The following RALYL variants were observed in gnomAD, a reference collection of about 807,000 sequenced individuals.
The protein encoded by RALYL is RNA-binding Raly-like protein.
A neutral mutation model predicts 35.1 loss-of-function variants in RALYL; 29 were observed. The observed-to-expected ratio is 0.83, with a 90% confidence interval of 0.61 to 1.13. RALYL has a LOEUF of 1.13. Ranked by LOEUF, RALYL falls within the 50% of genes most tolerant of loss-of-function variation. The pLI, the probability that RALYL is intolerant of heterozygous loss-of-function variation, is 0.00. For missense variants in RALYL, 359 were observed against 360.4 expected (o/e 1.00, Z 0.03); for synonymous variants, 120 against 127.6 (o/e 0.94, Z 0.40).
At chr8:84,391,167 C>T (rs756557196) in intron 1 of RALYL, among the ~76,000 whole-genome samples, 10 of 151,924 alleles carry the variant, frequency 6.6e-5, no homozygotes, top group Non-Finnish European at 1.0e-4. Flanking sequence ...CATCTCATTG[C>T]GTGGACGACT....
intron 1 of RALYL, among the ~76,000 whole-genome samples, chr8:84,317,778 CTG>C (rs1440047833): frequency 2.0e-5 from 3 of 152,272 alleles, no homozygotes; most frequent in East Asian, 3.9e-4. Context: ...CATGATCAAT[CTG>C]TGCTTTTTTG....
chr8:84,576,959 A>G (rs570089555), intron 2 of RALYL, among the ~76,000 whole-genome samples: 1 of 152,348 alleles, frequency 6.6e-6, no homozygotes, highest in South Asian at 2.1e-4. Flanking sequence ...GTTAGTTTAC[A>G]GTGCCTATCT....
chr8:84,774,655 G>T lies in RALYL; in HGVS notation c.332+1G>T. 6.2e-7 allele frequency: 1 copy of T among 1,602,134 alleles called. No homozygotes were observed. The highest frequency in any genetic ancestry group is 1.1e-5 in the South Asian group (1 of 89,258). ...AGAGGCCCCTTTCTGCACTTTACAG[G>T]TAAGTAGATAAGCACTGTTTTACTC... On this transcript the variant is annotated splice_donor_variant, in intron 3 of 8. Coordinates refer to ENST00000521268, the MANE Select transcript of RALYL (RefSeq NM_173848.7). LOFTEE classifies it high-confidence loss of function.
intron 2 of RALYL, among the ~76,000 whole-genome samples, chr8:84,538,226 C>T (rs1258686629): frequency 6.6e-6 from 1 of 152,086 alleles, no homozygotes; most frequent in African/African-American, 2.4e-5. Flanking sequence ...AATCACTGAA[C>T]CTAAATTAGC....
Position 84,915,224 on chromosome 8 carries a change from C to T in RALYL, c.859-5670C>T, listed in dbSNP as rs866453248. ...GATCCTAAACACCCATTTCCATACTCTAATGATAGAGACTGCATAGTCTAT... is the reference window on the plus strand; with the variant it reads ...GATCCTAAACACCCATTTCCATACTTTAATGATAGAGACTGCATAGTCTAT... On this transcript the variant is annotated intron_variant, in intron 8 of 8. Transcript: ENST00000521268. Among the ~76,000 whole-genome samples the T allele has an allele frequency of 3.3e-5, 5 of 152,082 alleles. No individual in the cohort carries two copies. In the South Asian group the frequency reaches 1.0e-3, roughly 32 times the overall value.
rs530121951 is a variant in RALYL at position 84,844,410 on chromosome 8, C to A, written c.366-5570C>A. On this transcript the variant is annotated intron_variant, in intron 4 of 8. Coordinates refer to ENST00000521268, the MANE Select transcript of RALYL (RefSeq NM_173848.7). The stretch of plus-strand genomic sequence containing the variant: ...CCATCAGAGAAATGCAAATCAAAAC[C>A]ACAATGAGATACCATCTCACACCAG... Among the ~76,000 whole-genome samples, 834 of 152,222 alleles carry A rather than the reference C, an allele frequency of 5.5e-3. 12 individuals carry two copies. The highest frequency in any genetic ancestry group is 0.041 in the Middle Eastern group (12 of 294).
intron 1 of RALYL, among the ~76,000 whole-genome samples, chr8:84,371,575 A>G (rs1855729515): frequency 6.6e-6 from 1 of 151,512 alleles, no homozygotes; most frequent in Non-Finnish European, 1.5e-5. Context: ...ACACACACAG[A>G]AAGAGAGAGA....
chr8:84,663,785 A>G (rs1330049929), intron 2 of RALYL, among the ~76,000 whole-genome samples: 1 of 152,054 alleles, frequency 6.6e-6, no homozygotes, highest in Non-Finnish European at 1.5e-5. Context: ...CACTCTGATG[A>G]TAGTTTCCTT....
At chr8:84,241,605 A>G (rs1371998365) in intron 1 of RALYL, among the ~76,000 whole-genome samples, 2 of 151,840 alleles carry the variant, frequency 1.3e-5, no homozygotes, top group East Asian at 3.9e-4. Flanking sequence ...GTGAAACCCT[A>G]TCTCTATTAA....
intron 2 of RALYL, chr8:84,679,894 A>G (rs1835023078): frequency 5.8e-6 from 2 of 344,692 alleles, no homozygotes; most frequent in South Asian, 2.5e-5. Context: ...GTACATGTGC[A>G]CAACGTGCAG....
At chr8:84,726,578 C>T (rs1343504877) in intron 2 of RALYL, among the ~76,000 whole-genome samples, 1 of 151,494 alleles carries the variant, frequency 6.6e-6, no homozygotes, top group Non-Finnish European at 1.5e-5. Flanking sequence ...CTTAAATTCA[C>T]ATTTAAAAGA....
chr8:84,751,042 T>C (rs769572590), intron 2 of RALYL, among the ~76,000 whole-genome samples: 1 of 152,116 alleles, frequency 6.6e-6, no homozygotes, highest in Non-Finnish European at 1.5e-5. Flanking sequence ...CTTGAGAAAC[T>C]GTTAGTCCTT....
chr8:84,512,210 T>C (rs1156886584), intron 1 of RALYL, among the ~76,000 whole-genome samples: 1 of 152,044 alleles, frequency 6.6e-6, no homozygotes, highest in Non-Finnish European at 1.5e-5. Context: ...ATCTATTTTT[T>C]GTTGTTGTTA....
intron 4 of RALYL, among the ~76,000 whole-genome samples, chr8:84,839,365 T>G (rs1339154222): frequency 6.6e-6 from 1 of 152,194 alleles, no homozygotes; most frequent in African/African-American, 2.4e-5. Flanking sequence ...GGAGCCTCGC[T>G]CATTGCTAGC....
chr8:84,853,456 G>A (rs1563747552), intron 5 of RALYL, among the ~76,000 whole-genome samples: 1 of 152,158 alleles, frequency 6.6e-6, no homozygotes. Flanking sequence ...GCTTTAAATA[G>A]TCAAATTATT....
chr8:84,715,223 A>G (rs1211684752), intron 2 of RALYL, among the ~76,000 whole-genome samples: 2 of 151,918 alleles, frequency 1.3e-5, no homozygotes, highest in Non-Finnish European at 2.9e-5. Context: ...TGTTTACCAT[A>G]TGTCAGGCAC....
At chr8:84,528,940 C>T (rs1183112286) in intron 1 of RALYL, among the ~76,000 whole-genome samples, 2 of 152,048 alleles carry the variant, frequency 1.3e-5, no homozygotes, top group Non-Finnish European at 2.9e-5. Context: ...AGACCTTAGC[C>T]ATGTTGGATT....
intron 1 of RALYL, among the ~76,000 whole-genome samples, chr8:84,212,479 T>G (rs906612565): frequency 1.3e-5 from 2 of 152,178 alleles, no homozygotes; most frequent in African/African-American, 4.8e-5. Flanking sequence ...ATAAGTAACA[T>G]GAAATCACCA....
At chr8:84,679,843 A>AT (rs763519354) in intron 2 of RALYL, 88 of 378,314 alleles carry the variant, frequency 2.3e-4, no homozygotes, top group Non-Finnish European at 3.5e-4. Context: ...TCACATCTTT[A>AT]TTTTTTTTCT....
Sources: gnomAD v4.1 joint callset for allele counts (sites outside exome capture counted in the v4.1 genomes callset) on GRCh38, gnomAD v4.1.1 for gene constraint, MANE v1.5 for transcripts, NCBI Gene and HGNC (gene_info 2026-07-23, HGNC 2026-07-21) for gene names.